The following B3GALT1 variants were observed in gnomAD, a reference collection of about 807,000 sequenced individuals.
B3GALT1 encodes UDP-Gal:betaGlcNAc beta 1,3-galactosyltransferase, polypeptide 1.
B3GALT1 carries 10 observed loss-of-function variants against 23.2 expected under a neutral mutation model. That is an observed-to-expected ratio of 0.43 (90% CI 0.27 to 0.73). The LOEUF is 0.73. Among genes scored for constraint, B3GALT1 ranks in the 30% least tolerant of loss-of-function variants. B3GALT1 has a pLI of 0.21. For synonymous variants in B3GALT1, 156 were observed against 141.5 expected (o/e 1.10, Z -0.73); for missense variants, 299 against 405.4 (o/e 0.74, Z 2.25).
intron 2 of B3GALT1, among the ~76,000 whole-genome samples, chr2:167,548,846 G>T (rs182320620): frequency 6.6e-6 from 1 of 152,204 alleles, no homozygotes; most frequent in East Asian, 1.9e-4. Context: ...AAACCAAAAA[G>T]AACTTGAGTT....
intron 2 of B3GALT1, among the ~76,000 whole-genome samples, chr2:167,645,743 G>C (rs1380787397): frequency 5.9e-5 from 9 of 151,566 alleles, no homozygotes; most frequent in Non-Finnish European, 1.5e-5. Flanking sequence ...CATTTCTTTT[G>C]TATTTTTAGT....
chr2:167,803,808 T>C (rs1212114632), intron 3 of B3GALT1, among the ~76,000 whole-genome samples: 1 of 152,118 alleles, frequency 6.6e-6, no homozygotes, highest in Non-Finnish European at 1.5e-5. Flanking sequence ...CACACTCTCG[T>C]TCTGTCACAC....
At chr2:167,296,884 C>T (rs1224632558) in intron 1 of B3GALT1, among the ~76,000 whole-genome samples, 2 of 152,052 alleles carry the variant, frequency 1.3e-5, no homozygotes, top group East Asian at 3.9e-4. Context: ...TTATCTCCTA[C>T]CAACCTGTTT....
At chr2:167,806,842 G>A (rs1258869819) in intron 3 of B3GALT1, among the ~76,000 whole-genome samples, 2 of 152,182 alleles carry the variant, frequency 1.3e-5, no homozygotes, top group African/African-American at 2.4e-5. Context: ...AATGAGTTAA[G>A]GAGGATTCCC....
rs1401100702 is a variant in B3GALT1, at chr2:167,543,818, G to A, written c.-410+53541G>A. On this transcript the variant is annotated intron_variant, in intron 2 of 4. Coordinates refer to ENST00000392690, the MANE Select transcript of B3GALT1 (RefSeq NM_020981.4). ...TGAGGGACTTGGACCTGCTATAAGCGCATTTGGCTACAAACAACAGGGAAT... is the reference window on the plus strand; with the variant it reads ...TGAGGGACTTGGACCTGCTATAAGCACATTTGGCTACAAACAACAGGGAAT... Among the ~76,000 whole-genome samples the A allele has an allele frequency of 5.9e-5, 9 of 152,276 alleles. No homozygotes were observed. In the East Asian group the frequency reaches 1.7e-3, roughly 29 times the overall value.
chr2:167,839,668 G>GA (rs1452990793), intron 4 of B3GALT1, among the ~76,000 whole-genome samples: 1 of 152,336 alleles, frequency 6.6e-6, no homozygotes, highest in African/African-American at 2.4e-5. Flanking sequence ...CACAGAATTG[G>GA]AAAAAACTAC....
intron 1 of B3GALT1, among the ~76,000 whole-genome samples, chr2:167,476,384 TGG>T (rs1699486813): frequency 6.6e-6 from 1 of 152,252 alleles, no homozygotes; most frequent in African/African-American, 2.4e-5. Flanking sequence ...TTTTATGGTC[TGG>T]AGTTTAGAAA....
intron 1 of B3GALT1, among the ~76,000 whole-genome samples, chr2:167,428,061 GA>G (rs1698650814): frequency 6.6e-6 from 1 of 152,146 alleles, no homozygotes; most frequent in African/African-American, 2.4e-5. Context: ...ACATTGGGAG[GA>G]AAAACATTGA....
chr2:167,516,221 G>A (rs776268133), intron 2 of B3GALT1, among the ~76,000 whole-genome samples: 1 of 151,906 alleles, frequency 6.6e-6, no homozygotes, highest in Non-Finnish European at 1.5e-5. Context: ...TCTGCCTTTT[G>A]CTTTCTATCA....
chr2:167,795,066 G>A (rs1029827750), intron 3 of B3GALT1, among the ~76,000 whole-genome samples: 5 of 152,068 alleles, frequency 3.3e-5, no homozygotes, highest in Non-Finnish European at 5.9e-5. Context: ...GAGGTAACCC[G>A]GTTACTAGGT....
chr2:167,346,857 G>T (rs1371776910), intron 1 of B3GALT1, among the ~76,000 whole-genome samples: 2 of 151,786 alleles, frequency 1.3e-5, no homozygotes, highest in Non-Finnish European at 2.9e-5. Flanking sequence ...TTATATGGAG[G>T]GGAAAAAACA....
At chr2:167,585,579 G>A (rs1356685056) in intron 2 of B3GALT1, among the ~76,000 whole-genome samples, 4 of 152,202 alleles carry the variant, frequency 2.6e-5, no homozygotes, top group Non-Finnish European at 5.9e-5. Flanking sequence ...TTGAGAACTA[G>A]TGGGAACGTA....
chr2:167,564,813 C>A (rs546471625), intron 2 of B3GALT1, among the ~76,000 whole-genome samples: 1 of 152,162 alleles, frequency 6.6e-6, no homozygotes, highest in Non-Finnish European at 1.5e-5. Flanking sequence ...TGTGAAGGAC[C>A]TCTTGAAGGA....
chr2:167,737,254 A>G (rs535812157), intron 3 of B3GALT1, among the ~76,000 whole-genome samples: 1 of 152,278 alleles, frequency 6.6e-6, no homozygotes, highest in South Asian at 2.1e-4. Context: ...TTTAATCTCT[A>G]TTAACTGGAT....
chr2:167,834,414 G>A (rs1362413295), intron 4 of B3GALT1, among the ~76,000 whole-genome samples: 2 of 152,214 alleles, frequency 1.3e-5, no homozygotes, highest in African/African-American at 4.8e-5. Context: ...GATGGAGAAA[G>A]ATTGGCTTGT....
rs1313546593 is a variant in B3GALT1, at chr2:167,448,018, T to G, written c.-510-42159T>G. 2.0e-5 allele frequency among the ~76,000 whole-genome samples: 3 copies of G among 152,156 alleles called. No homozygotes were observed. The East Asian group carries it at 5.8e-4, about 29-fold the overall frequency. ...CTGTATCACAATTTCTTTATCCACTTTTTGATTGGTGGGAATTTGAGCTGC... is the reference window on the plus strand; with the variant it reads ...CTGTATCACAATTTCTTTATCCACTGTTTGATTGGTGGGAATTTGAGCTGC... On this transcript the variant is annotated intron_variant, in intron 1 of 4. Coordinates refer to ENST00000392690, the MANE Select transcript of B3GALT1 (RefSeq NM_020981.4).
At chr2:167,670,868 A>G (rs1686313602) in intron 3 of B3GALT1, among the ~76,000 whole-genome samples, 1 of 152,194 alleles carries the variant, frequency 6.6e-6, no homozygotes, top group African/African-American at 2.4e-5. Flanking sequence ...AAGAATGAAG[A>G]AGAGTGAATA....
At chr2:167,340,313 G>GAA (rs773710953) in intron 1 of B3GALT1, among the ~76,000 whole-genome samples, 22 of 87,352 alleles carry the variant, frequency 2.5e-4, no homozygotes, top group African/African-American at 9.4e-4. Context: ...GGTACAGGGA[G>GAA]AAAAAAAAAA....
chr2:167,480,018 A>T (rs1699540331), intron 1 of B3GALT1, among the ~76,000 whole-genome samples: 1 of 152,158 alleles, frequency 6.6e-6, no homozygotes. Context: ...GGATGGGGTC[A>T]GTCAGTTGCC....
Sources: gnomAD v4.1 joint callset for allele counts (sites outside exome capture counted in the v4.1 genomes callset) on GRCh38, gnomAD v4.1.1 for gene constraint, MANE v1.5 for transcripts, NCBI Gene and HGNC (gene_info 2026-07-23, HGNC 2026-07-21) for gene names.